The following SBF2 variants were observed in gnomAD, a reference collection of about 807,000 sequenced individuals.
SBF2 encodes SET binding factor 2.
SBF2 carries 112 observed loss-of-function variants against 225.2 expected under a neutral mutation model. The ratio of observed to expected loss-of-function variants is 0.50; its 90% CI spans 0.43 to 0.58. The LOEUF is 0.58. Among genes scored for constraint, SBF2 ranks in the 20% least tolerant of loss-of-function variants. The probability of loss-of-function intolerance (pLI) is 0.00; values close to 1 mark genes in which losing one functional copy is unlikely to be tolerated. For synonymous variants in SBF2, 763 were observed against 773.3 expected (o/e 0.99, Z 0.22); for missense variants, 1,996 against 2,206.2 (o/e 0.90, Z 1.91).
intron 17 of SBF2, among the ~76,000 whole-genome samples, chr11:9,882,581 GGC>G (rs1859875212): frequency 6.6e-6 from 1 of 152,014 alleles, no homozygotes; most frequent in South Asian, 2.1e-4. Flanking sequence ...GGCCAAGGCG[GGC>G]GGATCACAAA....
At chr11:10,093,443 G>A (rs541244116) in intron 2 of SBF2, among the ~76,000 whole-genome samples, 4 of 150,434 alleles carry the variant, frequency 2.7e-5, no homozygotes, top group Non-Finnish European at 5.9e-5. Context: ...TGCTTTAGAT[G>A]TAAGATTTAA....
At chr11:9,934,160 T>A (rs1231794603) in intron 16 of SBF2, among the ~76,000 whole-genome samples, 2 of 152,018 alleles carry the variant, frequency 1.3e-5, no homozygotes, top group Non-Finnish European at 2.9e-5. Flanking sequence ...CAAACTACCA[T>A]CAGAGAATAC....
intron 2 of SBF2, among the ~76,000 whole-genome samples, chr11:10,131,148 C>A (rs1322291423): frequency 6.6e-6 from 1 of 152,132 alleles, no homozygotes; most frequent in Non-Finnish European, 1.5e-5. Flanking sequence ...CTCCTACCAG[C>A]AATGTGTGAG....
At chr11:9,947,963 C>G (rs1865659336) in intron 16 of SBF2, among the ~76,000 whole-genome samples, 1 of 152,048 alleles carries the variant, frequency 6.6e-6, no homozygotes, top group Non-Finnish European at 1.5e-5. Context: ...AAAGCAGGAG[C>G]TTGAAGAGAT....
intron 16 of SBF2, among the ~76,000 whole-genome samples, chr11:9,921,849 G>C (rs1417551482): frequency 6.6e-6 from 1 of 152,160 alleles, no homozygotes; most frequent in Non-Finnish European, 1.5e-5. Context: ...AGATAAGCAG[G>C]CTTACCTATA....
At position 9,879,873 on chromosome 11, in the gene SBF2, C is replaced by A. The variant is rs188858090; in HGVS notation, c.1929+16070G>T. On this transcript the variant is annotated intron_variant, in intron 17 of 39. Transcript: ENST00000256190. ...CCAAGATGGGCGGATCACTTGAGGT[C>A]AGGAGTTCAAGACTGCCCTGGCCAA... is the stretch of plus-strand genomic sequence containing the variant. 2.1e-3 allele frequency among the ~76,000 whole-genome samples: 313 copies of A among 152,100 alleles called. 2 individuals carry two copies. The highest frequency in any genetic ancestry group is 7.1e-3 in the African/African-American group (295 of 41,492).
At chr11:9,913,089 G>C (rs755712433) in intron 16 of SBF2, among the ~76,000 whole-genome samples, 2 of 152,150 alleles carry the variant, frequency 1.3e-5, no homozygotes, top group Non-Finnish European at 2.9e-5. Flanking sequence ...TTCAAGACCA[G>C]CCTGGGCAAC....
chr11:9,828,935 A>G (rs1053792522), intron 28 of SBF2, among the ~76,000 whole-genome samples: 1 of 149,550 alleles, frequency 6.7e-6, no homozygotes, highest in Non-Finnish European at 1.5e-5. Context: ...TATGGGAATA[A>G]AGGGTGACTT....
At chr11:10,283,741 T>A (rs928679128) in intron 1 of SBF2, among the ~76,000 whole-genome samples, 5 of 152,216 alleles carry the variant, frequency 3.3e-5, no homozygotes, top group Admixed American at 6.5e-5. Context: ...CTAAATAACT[T>A]CACATATTAG....
chr11:10,001,943 T>C (rs1369220462), intron 7 of SBF2, among the ~76,000 whole-genome samples: 1 of 152,220 alleles, frequency 6.6e-6, no homozygotes, highest in Non-Finnish European at 1.5e-5. Flanking sequence ...TATAATATTC[T>C]AGTTACAGCA....
At chr11:10,162,085 G>C (rs1382735668) in intron 2 of SBF2, among the ~76,000 whole-genome samples, 1 of 151,996 alleles carries the variant, frequency 6.6e-6, no homozygotes, top group Non-Finnish European at 1.5e-5. Context: ...GAAGATAAGA[G>C]TGATATCCTA....
intron 1 of SBF2, among the ~76,000 whole-genome samples, chr11:10,254,580 C>T (rs1364917833): frequency 6.7e-6 from 1 of 149,526 alleles, no homozygotes. Context: ...ATGTGGTATA[C>T]ATACACAATT....
chr11:10,057,070 G>T (rs571244489), intron 2 of SBF2, among the ~76,000 whole-genome samples: 10 of 152,282 alleles, frequency 6.6e-5, no homozygotes, highest in Admixed American at 5.9e-4. Context: ...GGAGAAACAC[G>T]CTCCCATCTT....
At chr11:9,815,728 C>A (rs1312552308) in intron 29 of SBF2, among the ~76,000 whole-genome samples, 1 of 152,186 alleles carries the variant, frequency 6.6e-6, no homozygotes, top group Non-Finnish European at 1.5e-5. Context: ...CTGGCACCAG[C>A]AACCCTGGAT....
At chr11:10,154,196 T>C (rs142817339) in intron 2 of SBF2, among the ~76,000 whole-genome samples, 177 of 152,254 alleles carry the variant, frequency 1.2e-3, no homozygotes, top group African/African-American at 3.8e-3. Context: ...AATAGATTAT[T>C]GCTATCCTAT....
intron 2 of SBF2, among the ~76,000 whole-genome samples, chr11:10,165,916 T>C (rs966442424): frequency 2.0e-5 from 3 of 152,216 alleles, no homozygotes; most frequent in Non-Finnish European, 4.4e-5. Flanking sequence ...AACTGTACTT[T>C]TAGCATATGT....
chr11:10,012,911 C>T (rs1948511982), intron 6 of SBF2, among the ~76,000 whole-genome samples: 1 of 151,778 alleles, frequency 6.6e-6, no homozygotes, highest in Non-Finnish European at 1.5e-5. Context: ...AGGGGTTATC[C>T]CTGTGTTTGC....
intron 17 of SBF2, among the ~76,000 whole-genome samples, chr11:9,888,589 A>G (rs1012496007): frequency 2.0e-5 from 3 of 152,130 alleles, no homozygotes; most frequent in Admixed American, 6.6e-5. Flanking sequence ...TAACAACTTG[A>G]CTTTGCCCCC....
intron 6 of SBF2, among the ~76,000 whole-genome samples, chr11:10,021,596 A>C (rs527281041): frequency 6.2e-4 from 94 of 152,308 alleles, no homozygotes; most frequent in African/African-American, 2.1e-3. Flanking sequence ...TTAAACTGTG[A>C]AAAACAAATT....
Sources: allele counts gnomAD v4.1 joint callset (sites outside exome capture counted in the v4.1 genomes callset), GRCh38; gene constraint gnomAD v4.1.1; transcripts MANE v1.5; gene names NCBI Gene and HGNC (gene_info 2026-07-23, HGNC 2026-07-21).